Variants in MAGI1 observed in about 807,000 individuals in gnomAD.
MAGI1 encodes membrane associated guanylate kinase, WW and PDZ domain containing 1.
MAGI1 carries 58 observed loss-of-function variants against 139.9 expected under a neutral mutation model. That is an observed-to-expected ratio of 0.41 (90% confidence interval 0.34 to 0.52). The LOEUF is 0.52. MAGI1 is among the 20% of genes least tolerant of loss of function. The probability of loss-of-function intolerance (pLI) is 0.12; values close to 1 mark genes in which losing one functional copy is unlikely to be tolerated. For synonymous variants in MAGI1, 812 were observed against 737.9 expected (o/e 1.10, Z -1.63); for missense variants, 1,874 against 1,901.6 (o/e 0.99, Z 0.27).
intron 2 of MAGI1, among the ~76,000 whole-genome samples, chr3:65,579,804 G>A (rs1467706400): frequency 2.7e-5 from 4 of 146,978 alleles, no homozygotes; most frequent in Admixed American, 2.1e-4. Context: ...CGAAGATCAC[G>A]CCACTGCACT....
intron 1 of MAGI1, among the ~76,000 whole-genome samples, chr3:66,000,881 T>C (rs1488496300): frequency 1.3e-5 from 2 of 152,240 alleles, no homozygotes; most frequent in East Asian, 3.8e-4. Flanking sequence ...CTGTCTAAAG[T>C]GCTTCACAGC....
At chr3:65,843,152 C>T (rs1338335926) in intron 1 of MAGI1, among the ~76,000 whole-genome samples, 3 of 152,176 alleles carry the variant, frequency 2.0e-5, no homozygotes, top group Non-Finnish European at 4.4e-5. Context: ...GATGTCACTT[C>T]TAAGATAATG....
chr3:66,019,012 T>C (rs553174570), intron 1 of MAGI1, among the ~76,000 whole-genome samples: 1 of 152,292 alleles, frequency 6.6e-6, no homozygotes, highest in South Asian at 2.1e-4. Context: ...GTTCATTCAT[T>C]CACTCATTCA....
intron 1 of MAGI1, among the ~76,000 whole-genome samples, chr3:65,872,457 C>A (rs771860579): frequency 2.0e-5 from 3 of 152,114 alleles, no homozygotes; most frequent in Non-Finnish European, 4.4e-5. Context: ...TTTCCTGTCC[C>A]TAACCTGCAC....
chr3:65,854,176 T>TAA (rs34812640), intron 1 of MAGI1, among the ~76,000 whole-genome samples: 10 of 139,244 alleles, frequency 7.2e-5, no homozygotes, highest in African/African-American at 1.3e-4. Context: ...TTTAAAGGTT[T>TAA]AAAAAAAAAA....
intron 2 of MAGI1, among the ~76,000 whole-genome samples, chr3:65,543,755 T>G (rs1001716722): frequency 5.4e-5 from 8 of 147,836 alleles, no homozygotes; most frequent in Non-Finnish European, 1.0e-4. Flanking sequence ...CTGTCAGGGA[T>G]GGGGGGGGGT....
At chr3:65,651,863 C>T (rs963808097) in intron 1 of MAGI1, among the ~76,000 whole-genome samples, 2 of 152,138 alleles carry the variant, frequency 1.3e-5, no homozygotes, top group Non-Finnish European at 2.9e-5. Flanking sequence ...ACATTTCAGA[C>T]AAACTTTTCA....
At chr3:65,854,306 G>A (rs1001608448) in intron 1 of MAGI1, among the ~76,000 whole-genome samples, 7 of 152,156 alleles carry the variant, frequency 4.6e-5, no homozygotes, top group African/African-American at 1.7e-4. Context: ...ACACAACAAA[G>A]AAGTAGCAGA....
intron 1 of MAGI1, among the ~76,000 whole-genome samples, chr3:65,764,640 C>A (rs1389116028): frequency 1.3e-5 from 2 of 152,154 alleles, no homozygotes; most frequent in Admixed American, 1.3e-4. Context: ...AAAAATTCAT[C>A]AAAAGCAGAC....
chr3:65,532,574 T>C (rs748272839), intron 2 of MAGI1, among the ~76,000 whole-genome samples: 5 of 152,226 alleles, frequency 3.3e-5, no homozygotes, highest in Non-Finnish European at 5.9e-5. Context: ...TCTTTTGCTC[T>C]TTCTGGGTCA....
chr3:65,977,420 T>C (rs1379858355), intron 1 of MAGI1, among the ~76,000 whole-genome samples: 2 of 151,984 alleles, frequency 1.3e-5, no homozygotes, highest in African/African-American at 2.4e-5. Flanking sequence ...TATAATAAAA[T>C]CAAAACTCGG....
chr3:65,516,420 C>T (rs1300309968), intron 2 of MAGI1, among the ~76,000 whole-genome samples: 4 of 152,138 alleles, frequency 2.6e-5, no homozygotes, highest in African/African-American at 7.2e-5. Flanking sequence ...CCTTGGGATC[C>T]GCCCGCCTGG....
chr3:65,439,761 A>G, intron 9 of MAGI1, 118 bp downstream of exon 9: 9 of 1,556,212 alleles, frequency 5.8e-6, no homozygotes, highest in Non-Finnish European at 7.8e-6. Context: ...TCAGCTCTTC[A>G]GTGTGGCAAG....
At chr3:65,535,521 C>T (rs917750935) in intron 2 of MAGI1, among the ~76,000 whole-genome samples, 1 of 152,160 alleles carries the variant, frequency 6.6e-6, no homozygotes, top group Admixed American at 6.5e-5. Flanking sequence ...GGAACAAGGA[C>T]TCAGTGAATT....
chr3:65,885,352 G>A (rs924103047), intron 1 of MAGI1, among the ~76,000 whole-genome samples: 1 of 151,514 alleles, frequency 6.6e-6, no homozygotes, highest in African/African-American at 2.4e-5. Context: ...AGCTGAGATT[G>A]TGCCACTGCA....
At position 65,680,773 on chromosome 3, in the gene MAGI1, G is replaced by GAT. The variant is rs1553690359; in HGVS notation, c.314-58687_314-58686dup. 2.1e-4 allele frequency among the ~76,000 whole-genome samples: 28 copies of GAT among 134,896 alleles called. 1 individual carries two copies. 88.5% of individuals were successfully genotyped at this position (134,896 alleles called of 152,430 possible). A position where few individuals can be genotyped will look rare whatever the true frequency, so the allele number is the denominator to read the frequency against. ...AAATAATATAATAATGATATGATAT[G>GAT]ATATGATATGATATGATATGATATA... On this transcript the variant is annotated intron_variant, in intron 1 of 22. Coordinates refer to ENST00000402939, the MANE Select transcript of MAGI1 (RefSeq NM_001033057.2).
At chr3:65,847,729 G>A (rs2059054706) in intron 1 of MAGI1, among the ~76,000 whole-genome samples, 1 of 152,152 alleles carries the variant, frequency 6.6e-6, no homozygotes, top group African/African-American at 2.4e-5. Flanking sequence ...AGGATGCAGA[G>A]ATGATTTTGT....
chr3:65,864,084 T>C (rs746562287), intron 1 of MAGI1, among the ~76,000 whole-genome samples: 6 of 151,930 alleles, frequency 3.9e-5, no homozygotes, highest in African/African-American at 7.3e-5. Flanking sequence ...TTCAACAGAA[T>C]ATGAAACAAA....
Position 65,931,779 on chromosome 3 carries a change from A to G in MAGI1, c.313+106217T>C, listed in dbSNP as rs533848618. Among the ~76,000 whole-genome samples the G allele has an allele frequency of 2.9e-4, 44 of 152,320 alleles. 1 individual carries two copies. The highest frequency in any genetic ancestry group is 9.9e-4 in the African/African-American group (41 of 41,578). ...GTGGCATATGAAAACCTGCCATTACATGTGGATTTGAACCCAATTGTGGGT... is the reference window on the plus strand; with the variant it reads ...GTGGCATATGAAAACCTGCCATTACGTGTGGATTTGAACCCAATTGTGGGT... On this transcript the variant is annotated intron_variant, in intron 1 of 22. Transcript: ENST00000402939.
Sources: allele counts gnomAD v4.1 joint callset (sites outside exome capture counted in the v4.1 genomes callset), GRCh38; gene constraint gnomAD v4.1.1; transcripts MANE v1.5; gene names NCBI Gene and HGNC (gene_info 2026-07-23, HGNC 2026-07-21).